The following ZFHX3 variants were observed in gnomAD, a reference collection of about 807,000 sequenced individuals.
ZFHX3 encodes the protein zinc finger homeobox 3.
ZFHX3 carries 42 observed loss-of-function variants against 279.1 expected under a neutral mutation model. That is an observed-to-expected ratio of 0.15 (90% CI 0.12 to 0.19). The LOEUF (loss-of-function observed/expected upper bound fraction) is 0.19, where lower values mean the gene tolerates loss of function less well. ZFHX3 is among the 10% of genes least tolerant of loss of function. The probability of loss-of-function intolerance (pLI) is 1.00; values close to 1 mark genes in which losing one functional copy is unlikely to be tolerated. For missense variants in ZFHX3, 4,981 were observed against 4,754.0 expected, an observed-to-expected ratio of 1.05 and a Z score of -1.40; for synonymous variants, 2,293 against 1,957.8, an observed-to-expected ratio of 1.17 and a Z score of -4.52.
intron 1 of ZFHX3, among the ~76,000 whole-genome samples, chr16:73,772,336 G>A (rs2054027262): frequency 6.6e-6 from 1 of 152,208 alleles, no homozygotes; most frequent in African/African-American, 2.4e-5. Context: ...TTACGTGGAT[G>A]GCAGCAGGCA....
intron 3 of ZFHX3, among the ~76,000 whole-genome samples, chr16:73,373,780 C>T (rs750474349): frequency 6.6e-6 from 1 of 152,018 alleles, no homozygotes; most frequent in Non-Finnish European, 1.5e-5. Flanking sequence ...TCTGACATTA[C>T]TATGATGTAT....
chr16:73,831,251 C>T (rs1714033441), intron 1 of ZFHX3, among the ~76,000 whole-genome samples: 1 of 152,152 alleles, frequency 6.6e-6, no homozygotes. Flanking sequence ...TGGCAAGCAT[C>T]CCTGAAAGCA....
chr16:72,912,550 A>G (rs912339160), intron 3 of ZFHX3, among the ~76,000 whole-genome samples: 2 of 152,180 alleles, frequency 1.3e-5, no homozygotes, highest in Non-Finnish European at 2.9e-5. Context: ...ATGGGAGTCA[A>G]AAAGGCTTTT....
intron 1 of ZFHX3, among the ~76,000 whole-genome samples, chr16:73,862,221 T>C (rs1961899280): frequency 6.6e-6 from 1 of 152,176 alleles, no homozygotes; most frequent in Non-Finnish European, 1.5e-5. Context: ...CTGGGGTATG[T>C]TTCTAGGTTC....
intron 7 of ZFHX3, among the ~76,000 whole-genome samples, chr16:73,109,212 A>T (rs1597159898): frequency 6.6e-6 from 1 of 152,344 alleles, no homozygotes; most frequent in East Asian, 1.9e-4. Context: ...GTGAATGAGG[A>T]TGTGAACGCA....
At chr16:73,544,617 G>A (rs2020078685) in intron 2 of ZFHX3, among the ~76,000 whole-genome samples, 1 of 152,160 alleles carries the variant, frequency 6.6e-6, no homozygotes, top group Non-Finnish European at 1.5e-5. Flanking sequence ...ACTGTGCAAG[G>A]GGATGTTGAC....
chr16:73,279,653 T>G (rs913545899), intron 4 of ZFHX3, among the ~76,000 whole-genome samples: 2 of 152,112 alleles, frequency 1.3e-5, no homozygotes, highest in Admixed American at 1.3e-4. Context: ...AACAATGGCA[T>G]TATTCTTTGT....
chr16:73,883,208 CA>C (rs1454019392), intron 1 of ZFHX3, among the ~76,000 whole-genome samples: 1 of 151,860 alleles, frequency 6.6e-6, no homozygotes, highest in Non-Finnish European at 1.5e-5. Flanking sequence ...ATATGTCATT[CA>C]AAATATGCAG....
intron 3 of ZFHX3, among the ~76,000 whole-genome samples, chr16:73,374,285 T>C (rs1277803524): frequency 6.6e-6 from 1 of 152,078 alleles, no homozygotes; most frequent in Non-Finnish European, 1.5e-5. Flanking sequence ...GTTTTTTTTG[T>C]TACAGAAAAT....
chr16:73,606,984 C>CAAAT (rs2052192854), intron 2 of ZFHX3, among the ~76,000 whole-genome samples: 2 of 122,372 alleles, frequency 1.6e-5, no homozygotes, highest in African/African-American at 5.1e-5. Context: ...TCTCAGAAAA[C>CAAAT]AAACAAACAA....
intron 3 of ZFHX3, among the ~76,000 whole-genome samples, chr16:73,424,329 A>G (rs1421413096): frequency 1.3e-5 from 2 of 152,152 alleles, no homozygotes; most frequent in Non-Finnish European, 2.9e-5. Flanking sequence ...AAGGTGCCCA[A>G]CTCAGTGCCT....
chr16:73,537,474 G>T (rs946401517), intron 2 of ZFHX3, among the ~76,000 whole-genome samples: 24 of 151,858 alleles, frequency 1.6e-4, no homozygotes, highest in Non-Finnish European at 1.5e-4. Flanking sequence ...GTGCTGCCAC[G>T]CCCGGCTAAT....
In ZFHX3 at chr16:73,471,974, T is replaced by C. The variant is rs917957722; in HGVS notation, c.-1546-15716A>G. Among the ~76,000 whole-genome samples, 4 of 152,114 alleles carry C rather than the reference T, an allele frequency of 2.6e-5. No individual in the cohort carries two copies. The South Asian group carries it at 8.3e-4, about 32-fold the overall frequency. On this transcript the variant is annotated intron_variant, in intron 2 of 17. Coordinates refer to the ZFHX3 transcript ENST00000641206. ...CTGATCCTGACAAGGTGATGCTCAA[T>C]TGATCCAGTGCCCTGAGCACCTCAG...
chr16:73,108,255 G>T (rs1966328540), intron 7 of ZFHX3, among the ~76,000 whole-genome samples: 1 of 151,918 alleles, frequency 6.6e-6, no homozygotes, highest in South Asian at 2.1e-4. Flanking sequence ...GATTGCTTGG[G>T]CCTGGGAGGT....
intron 3 of ZFHX3, among the ~76,000 whole-genome samples, chr16:72,945,160 T>C (rs375798224): frequency 3.9e-5 from 6 of 152,230 alleles, no homozygotes; most frequent in South Asian, 2.1e-4. Context: ...TGGATGAAGA[T>C]AGGTGGGAAG....
chr16:73,622,849 G>A (rs1363645273), intron 2 of ZFHX3, among the ~76,000 whole-genome samples: 1 of 152,130 alleles, frequency 6.6e-6, no homozygotes, highest in Non-Finnish European at 1.5e-5. Context: ...ATAAACCGGA[G>A]AAATGTGAAC....
intron 5 of ZFHX3, among the ~76,000 whole-genome samples, chr16:73,212,533 C>T (rs1267708318): frequency 6.6e-6 from 1 of 152,182 alleles, no homozygotes; most frequent in Non-Finnish European, 1.5e-5. Flanking sequence ...GATTGCTATA[C>T]AGAGCAGAGC....
intron 1 of ZFHX3, among the ~76,000 whole-genome samples, chr16:72,993,939 C>T (rs567100146): frequency 1.3e-5 from 2 of 152,242 alleles, no homozygotes; most frequent in East Asian, 3.9e-4. Flanking sequence ...GTAGCAGCAG[C>T]CGAGTGCACT....
intron 1 of ZFHX3, among the ~76,000 whole-genome samples, chr16:73,793,828 T>C (rs1342272953): frequency 1.3e-5 from 2 of 152,176 alleles, no homozygotes; most frequent in East Asian, 3.9e-4. Context: ...GGCATGTGCC[T>C]TTTGAAAGGG....
Sources: allele counts gnomAD v4.1 joint callset (sites outside exome capture counted in the v4.1 genomes callset), GRCh38; gene constraint gnomAD v4.1.1; transcripts MANE v1.5; gene names NCBI Gene and HGNC (gene_info 2026-07-23, HGNC 2026-07-21).